The following TENM2 variants were observed in gnomAD, a reference collection of about 807,000 sequenced individuals.
The protein encoded by TENM2 is teneurin transmembrane protein 2, also known as teneurin-2.
Under a neutral mutation model 245.2 loss-of-function variants are expected in TENM2, and 52 were observed. That is an observed-to-expected ratio of 0.21 (90% confidence interval 0.17 to 0.27). TENM2 has a LOEUF of 0.27. Among genes scored for constraint, TENM2 ranks in the 10% least tolerant of loss-of-function variants. TENM2 has a pLI of 1.00. For synonymous variants in TENM2, 1,363 were observed against 1,438.9 expected, an observed-to-expected ratio of 0.95 and a Z score of 1.19; for missense variants, 3,046 against 3,666.8, an observed-to-expected ratio of 0.83 and a Z score of 4.37.
chr5:167,694,491 A>G (rs1224985072), intron 2 of TENM2, among the ~76,000 whole-genome samples: 5 of 152,224 alleles, frequency 3.3e-5, no homozygotes, highest in African/African-American at 7.2e-5. Context: ...TTGACGAATT[A>G]GTTGCAAATT....
At chr5:167,066,985 A>G in the TENM2 span, among the ~76,000 whole-genome samples, 1 of 152,180 alleles carries the variant, frequency 6.6e-6, no homozygotes, top group Admixed American at 6.6e-5. Context: ...ATGAGTCTCA[A>G]CTATCTATGA....
intron 2 of TENM2, among the ~76,000 whole-genome samples, chr5:167,638,874 C>T (rs991471608): frequency 8.5e-5 from 13 of 152,288 alleles, no homozygotes; most frequent in Non-Finnish European, 1.6e-4. Flanking sequence ...TCTAAGTAAT[C>T]GCTGAAAAGA....
chr5:168,161,002 G>T (rs1757696215), intron 12 of TENM2, among the ~76,000 whole-genome samples: 2 of 152,134 alleles, frequency 1.3e-5, no homozygotes, highest in Admixed American at 1.3e-4. Flanking sequence ...CTGCACTCCA[G>T]CCTGAGTGAG....
chr5:168,081,160 G>T (rs934086032), intron 7 of TENM2, among the ~76,000 whole-genome samples: 1 of 152,140 alleles, frequency 6.6e-6, no homozygotes, highest in East Asian at 1.9e-4. Context: ...TCTTCTTGTT[G>T]AATTGATCCC....
Position 167,942,782 on chromosome 5 carries a change from A to T in TENM2, c.713-9806A>T, listed in dbSNP as rs189420407. ...AGAGGTCTGATTTATTTTAATTGGGAGGTAAAGACAACTCCAAGACAACTT... is the reference window on the plus strand; with the variant it reads ...AGAGGTCTGATTTATTTTAATTGGGTGGTAAAGACAACTCCAAGACAACTT... On this transcript the variant is annotated intron_variant, in intron 3 of 28. Coordinates refer to ENST00000518659, the Ensembl canonical transcript of TENM2. Among the ~76,000 whole-genome samples the T allele has an allele frequency of 1.1e-3, 167 of 152,306 alleles. 2 individuals are homozygous for T. The highest frequency in any genetic ancestry group is 1.8e-3 in the Non-Finnish European group (121 of 68,022).
At chr5:167,241,380 G>A in the TENM2 span, among the ~76,000 whole-genome samples, 3 of 152,156 alleles carry the variant, frequency 2.0e-5, no homozygotes, top group Admixed American at 2.0e-4. Flanking sequence ...GCAATATATA[G>A]GGTATTGTGA....
At chr5:167,812,008 A>G (rs1215380756) in intron 2 of TENM2, among the ~76,000 whole-genome samples, 1 of 152,194 alleles carries the variant, frequency 6.6e-6, no homozygotes, top group South Asian at 2.1e-4. Flanking sequence ...GGTAGAGGAC[A>G]TGGAAAGTTC....
chr5:167,381,604 GA>G (rs1342739116), intron 2 of TENM2, among the ~76,000 whole-genome samples: 3 of 152,158 alleles, frequency 2.0e-5, no homozygotes, highest in African/African-American at 7.2e-5. Context: ...GGTTGGGACA[GA>G]TCAGATTAGA....
the TENM2 span, among the ~76,000 whole-genome samples, chr5:167,263,610 C>T: frequency 6.6e-6 from 1 of 152,136 alleles, no homozygotes; most frequent in Non-Finnish European, 1.5e-5. Flanking sequence ...TTTCCAATTC[C>T]TTAATATTTC....
intron 2 of TENM2, among the ~76,000 whole-genome samples, chr5:167,596,131 C>T (rs142710582): frequency 2.0e-5 from 3 of 152,304 alleles, no homozygotes; most frequent in African/African-American, 7.2e-5. Context: ...GATGGTTCAA[C>T]AACTATTGGG....
intron 2 of TENM2, among the ~76,000 whole-genome samples, chr5:167,670,724 T>G (rs1243343251): frequency 2.0e-5 from 3 of 152,144 alleles, no homozygotes; most frequent in African/African-American, 7.2e-5. Context: ...TTGGAAGGTA[T>G]TTTCTTTTAG....
At chr5:167,362,093 G>GC (rs1759751019) in intron 1 of TENM2, among the ~76,000 whole-genome samples, 2 of 152,176 alleles carry the variant, frequency 1.3e-5, no homozygotes, top group Non-Finnish European at 2.9e-5. Context: ...GATGCTAAGT[G>GC]TAATTAAGGC....
intron 2 of TENM2, among the ~76,000 whole-genome samples, chr5:167,402,318 C>T (rs1762407319): frequency 6.6e-6 from 1 of 151,950 alleles, no homozygotes; most frequent in South Asian, 2.1e-4. Flanking sequence ...GAGGTAAAAT[C>T]ATAATCATAG....
intron 3 of TENM2, among the ~76,000 whole-genome samples, chr5:167,899,572 G>T (rs1775520293): frequency 6.6e-6 from 1 of 152,182 alleles, no homozygotes; most frequent in Non-Finnish European, 1.5e-5. Flanking sequence ...CCCTGCACAA[G>T]GTTACACAGA....
At chr5:167,276,238 A>C in the TENM2 span, among the ~76,000 whole-genome samples, 19 of 151,858 alleles carry the variant, frequency 1.3e-4, no homozygotes, top group African/African-American at 4.6e-4. Flanking sequence ...TTCATAAAAT[A>C]ATTGGAAAAT....
At chr5:167,948,733 ATTATGTAATTTCATAT>A (rs1779841947) in intron 3 of TENM2, 1 of 152,180 alleles carries the variant, frequency 6.6e-6, no homozygotes, top group South Asian at 2.1e-4. Flanking sequence ...AAATTGCATT[ATTATGTAATTTCATAT>A]TTATGTAATA....
intron 3 of TENM2, among the ~76,000 whole-genome samples, chr5:167,925,046 A>G (rs982056480): frequency 1.3e-5 from 2 of 152,184 alleles, no homozygotes; most frequent in African/African-American, 4.8e-5. Context: ...AAATAAAAAT[A>G]TATGTTCAAC....
chr5:167,391,158 A>G (rs1761729785), intron 2 of TENM2, among the ~76,000 whole-genome samples: 1 of 151,962 alleles, frequency 6.6e-6, no homozygotes, highest in Non-Finnish European at 1.5e-5. Flanking sequence ...CTACAGGTGT[A>G]CTCCCACTCC....
At chr5:168,225,827 T>A (rs1764129452) in intron 23 of TENM2, among the ~76,000 whole-genome samples, 2 of 151,526 alleles carry the variant, frequency 1.3e-5, no homozygotes, top group African/African-American at 4.8e-5. Flanking sequence ...CTGTTTTCTC[T>A]AACTAACTAG....
Sources: allele counts gnomAD v4.1 joint callset (sites outside exome capture counted in the v4.1 genomes callset), GRCh38; gene constraint gnomAD v4.1.1; transcripts MANE v1.5; gene names NCBI Gene and HGNC (gene_info 2026-07-23, HGNC 2026-07-21).